The following NSUN7 variants were observed in gnomAD, a reference collection of about 807,000 sequenced individuals.
NSUN7 encodes the protein NOP2/Sun RNA methyltransferase family member 7, also known as protein NSUN7.
NSUN7 carries 39 observed loss-of-function variants against 58.5 expected under a neutral mutation model. The ratio of observed to expected loss-of-function variants is 0.67; its 90% CI spans 0.52 to 0.87. NSUN7 has a LOEUF of 0.87. NSUN7 is among the 40% of genes least tolerant of loss of function. The pLI, the probability that NSUN7 is intolerant of heterozygous loss-of-function variation, is 0.00. For synonymous variants in NSUN7, 278 were observed against 303.7 expected (o/e 0.92, Z 0.88); for missense variants, 765 against 844.1 (o/e 0.91, Z 1.16).
chr4:40,800,907 C>G (rs1743551476), intron 10 of NSUN7, among the ~76,000 whole-genome samples: 1 of 151,992 alleles, frequency 6.6e-6, no homozygotes, highest in Non-Finnish European at 1.5e-5. Flanking sequence ...AAAGGTCTGA[C>G]TTTATTCTTT....
intron 1 of NSUN7, 37 bp downstream of exon 1, chr4:40,750,337 TGGGGACGCGGACGGGGCTCC>T (rs1270459464): frequency 5.1e-6 from 1 of 197,158 alleles, no homozygotes. Flanking sequence ...GACTGGGCTG[TGGGGACGCGGACGGGGCTCC>T]GGGGGCAGCT....
At chr4:40,757,556 TTATATA>T (rs558638656) in intron 2 of NSUN7, among the ~76,000 whole-genome samples, 1 of 141,968 alleles carries the variant, frequency 7.0e-6, no homozygotes, top group Non-Finnish European at 1.5e-5. Context: ...TATATAAAAA[TTATATA>T]TATATATAAA....
Position 40,807,043 on chromosome 4 carries a change from T to C in NSUN7, c.1401-18T>C. ...GAAGCCATTCTAACTGCTGAATGCT[T>C]GTTCCTGTCTGCTGCAGGCTTAGTC... On this transcript the variant is annotated intron_variant, in intron 10 of 11. Transcript: ENST00000381782. 1 of 1,549,752 alleles carries C rather than the reference T, an allele frequency of 6.5e-7. No individual in the cohort carries two copies. The highest frequency in any genetic ancestry group is 8.7e-7 in the Non-Finnish European group (1 of 1,146,398).
At chr4:40,777,628 A>AT (rs1742335388) in intron 7 of NSUN7, among the ~76,000 whole-genome samples, 1 of 152,184 alleles carries the variant, frequency 6.6e-6, no homozygotes, top group African/African-American at 2.4e-5. Flanking sequence ...TATCTTCTAA[A>AT]TTTTTTCTAA....
intron 9 of NSUN7, among the ~76,000 whole-genome samples, chr4:40,798,026 T>C (rs1743397752): frequency 6.6e-6 from 1 of 152,218 alleles, no homozygotes; most frequent in African/African-American, 2.4e-5. Context: ...CTCCATCTAG[T>C]CTACCCACAG....
chr4:40,777,022 G>T (rs895533075), intron 7 of NSUN7, among the ~76,000 whole-genome samples: 2 of 152,164 alleles, frequency 1.3e-5, no homozygotes, highest in Non-Finnish European at 2.9e-5. Flanking sequence ...GAAAAACTAA[G>T]CAAAACTTTT....
intron 7 of NSUN7, among the ~76,000 whole-genome samples, chr4:40,787,791 C>T (rs1323605227): frequency 6.6e-6 from 1 of 151,964 alleles, no homozygotes; most frequent in Non-Finnish European, 1.5e-5. Flanking sequence ...GGAACTACTT[C>T]CCAGTTCATT....
Position 40,774,970 on chromosome 4 carries a change from C to G in NSUN7, c.825+20C>G, listed in dbSNP as rs776164972. On this transcript the variant is annotated intron_variant, in intron 6 of 11. Coordinates refer to ENST00000381782, the MANE Select transcript of NSUN7 (RefSeq NM_024677.6). The stretch of plus-strand genomic sequence containing the variant: ...TTTCAGGTAAACTAATATTTACTTT[C>G]ATTGTGATTCTCAACAATCCAACCT... 1 of 986,822 alleles carries G rather than the reference C, an allele frequency of 1.0e-6. No homozygotes were observed. The highest frequency in any genetic ancestry group is 1.5e-5 in the South Asian group (1 of 65,622). The allele number at this position is 986,822 out of a possible 1,614,324, so 61.1% of individuals were successfully genotyped here. A position where few individuals can be genotyped will look rare whatever the true frequency, so the allele number is the denominator to read the frequency against.
intron 4 of NSUN7, chr4:40,773,198 A>G (rs1049082624): frequency 6.6e-6 from 1 of 152,210 alleles, no homozygotes; most frequent in Non-Finnish European, 1.5e-5. Context: ...TGCGCTAAGA[A>G]TTTTGCACAC....
At chr4:40,752,073 A>T (rs1344716196) in intron 2 of NSUN7, among the ~76,000 whole-genome samples, 1 of 152,222 alleles carries the variant, frequency 6.6e-6, no homozygotes, top group African/African-American at 2.4e-5. Flanking sequence ...TTTTCGTACT[A>T]GCTGTGACTA....
chr4:40,771,561 G>C (rs953954568), intron 4 of NSUN7, among the ~76,000 whole-genome samples: 1 of 152,022 alleles, frequency 6.6e-6, no homozygotes, highest in Non-Finnish European at 1.5e-5. Context: ...TTCAGCACAT[G>C]ACTGACGATA....
intron 10 of NSUN7, among the ~76,000 whole-genome samples, chr4:40,805,425 A>G (rs1304301815): frequency 1.3e-5 from 2 of 152,196 alleles, no homozygotes; most frequent in African/African-American, 4.8e-5. Context: ...GTGCACCTGC[A>G]GTAGCTGTCA....
chr4:40,801,501 CAT>C (rs1454707728), intron 10 of NSUN7, among the ~76,000 whole-genome samples: 8 of 152,156 alleles, frequency 5.3e-5, no homozygotes, highest in South Asian at 2.1e-4. Context: ...CTTCTTTTCA[CAT>C]GTCTTATTAT....
chr4:40,785,232 C>G (rs1318036876), intron 7 of NSUN7, among the ~76,000 whole-genome samples: 2 of 151,202 alleles, frequency 1.3e-5, no homozygotes, highest in Non-Finnish European at 2.9e-5. Context: ...GACAAGGTCT[C>G]ACTATTTTGC....
rs147476272 is a variant in NSUN7, at chr4:40,802,338, A to AT, written c.1400+3443dup. Among the ~76,000 whole-genome samples, 65 of 151,604 alleles carry AT rather than the reference A, an allele frequency of 4.3e-4. No individual in the cohort carries two copies. In the South Asian group the frequency reaches 9.6e-3, roughly 22 times the overall value. On this transcript the variant is annotated intron_variant, in intron 10 of 11. Transcript: ENST00000381782. ...GAGTGGGTTTCTTCTCAAATTTTAT[A>AT]TTTTTTTTTGTTACATAAACCCCAC... is the stretch of plus-strand genomic sequence containing the variant.
rs60071501 is a variant in NSUN7, at chr4:40,790,064, C to CTTTTT, written c.1037-524_1037-520dup. Among the ~76,000 whole-genome samples the CTTTTT allele has an allele frequency of 9.1e-4, 110 of 121,538 alleles. 5 individuals are homozygous for CTTTTT. The highest frequency in any genetic ancestry group is 1.2e-3 in the Non-Finnish European group (70 of 60,308). The allele number at this position is 121,538 out of a possible 152,430, so 79.7% of individuals were successfully genotyped here. Reference sequence around the variant, plus strand: ...AGTGCTTCTGATAACCCTCCCCCACCTTTTTTTTTTTTTTTTTTCTGGAGA... The same window carrying CTTTTT: ...AGTGCTTCTGATAACCCTCCCCCACCTTTTTTTTTTTTTTTTTTTTTTTCTGGAGA... On this transcript the variant is annotated intron_variant, in intron 7 of 11. Transcript: ENST00000381782.
At chr4:40,769,789 C>G (rs973442537) in intron 4 of NSUN7, among the ~76,000 whole-genome samples, 2 of 152,210 alleles carry the variant, frequency 1.3e-5, no homozygotes, top group African/African-American at 4.8e-5. Context: ...CACATTCTCT[C>G]CGCTCCTTCT....
At chr4:40,803,644 T>C (rs1364614432) in intron 10 of NSUN7, among the ~76,000 whole-genome samples, 1 of 152,230 alleles carries the variant, frequency 6.6e-6, no homozygotes, top group African/African-American at 2.4e-5. Context: ...GTAATTCACA[T>C]ACTATGCAAT....
intron 10 of NSUN7, among the ~76,000 whole-genome samples, chr4:40,802,227 A>G (rs964982560): frequency 1.3e-5 from 2 of 152,180 alleles, no homozygotes; most frequent in Non-Finnish European, 2.9e-5. Flanking sequence ...TTAAGCCCAT[A>G]TATACTGTGT....
Sources: gnomAD v4.1 joint callset for allele counts (sites outside exome capture counted in the v4.1 genomes callset) on GRCh38, gnomAD v4.1.1 for gene constraint, MANE v1.5 for transcripts, NCBI Gene and HGNC (gene_info 2026-07-23, HGNC 2026-07-21) for gene names.